Variants in ROBO1 observed in about 807,000 individuals in gnomAD.
The protein encoded by ROBO1 is roundabout guidance receptor 1.
ROBO1 carries 149 observed loss-of-function variants against 195.9 expected under a neutral mutation model. The ratio of observed to expected loss-of-function variants is 0.76; its 90% CI spans 0.67 to 0.87. ROBO1 has a LOEUF of 0.87. Ranked by LOEUF, ROBO1 falls within the 40% of genes least tolerant of loss-of-function variation. The pLI, the probability that ROBO1 is intolerant of heterozygous loss-of-function variation, is 0.00. For missense variants in ROBO1, 1,933 were observed against 2,068.3 expected (o/e 0.93, Z 1.27); for synonymous variants, 816 against 733.2 (o/e 1.11, Z -1.82).
chr3:79,184,160 G>A (rs2081394880), intron 2 of ROBO1, among the ~76,000 whole-genome samples: 1 of 152,180 alleles, frequency 6.6e-6, no homozygotes, highest in Non-Finnish European at 1.5e-5. Context: ...GCAGTGAACA[G>A]AGTAAACATA....
intron 2 of ROBO1, among the ~76,000 whole-genome samples, chr3:79,331,590 A>G (rs2034440205): frequency 6.6e-6 from 1 of 152,202 alleles, no homozygotes; most frequent in Non-Finnish European, 1.5e-5. Context: ...ACCTTCTGAT[A>G]GAAAGCATGT....
chr3:79,201,165 A>T (rs963491658), intron 2 of ROBO1, among the ~76,000 whole-genome samples: 1 of 151,952 alleles, frequency 6.6e-6, no homozygotes, highest in African/African-American at 2.4e-5. Flanking sequence ...ACCATCTAAT[A>T]GTTTTCTGTT....
chr3:79,720,252 C>A (rs1351486174), intron 1 of ROBO1, among the ~76,000 whole-genome samples: 1 of 152,062 alleles, frequency 6.6e-6, no homozygotes, highest in Non-Finnish European at 1.5e-5. Flanking sequence ...GACCAACGGA[C>A]CTCTTGGAAC....
intron 4 of ROBO1, among the ~76,000 whole-genome samples, chr3:78,884,541 A>T (rs2036385318): frequency 6.6e-6 from 1 of 151,408 alleles, no homozygotes; most frequent in Non-Finnish European, 1.5e-5. Flanking sequence ...TGCCCCTCAA[A>T]AAAGAAAGAA....
chr3:79,465,677 G>C lies in ROBO1; in HGVS notation c.88+124147C>G, dbSNP rs138350193. 2.3e-3 allele frequency among the ~76,000 whole-genome samples: 343 copies of C among 152,076 alleles called. 2 individuals carry two copies. The highest frequency in any genetic ancestry group is 7.7e-3 in the African/African-American group (321 of 41,502). On this transcript the variant is annotated intron_variant, in intron 2 of 30. Transcript: ENST00000464233. ...CTGCTTCTAAAATATTTTTAAAGTA[G>C]TTTGCCCATTGCAATGTGGAGGGTC...
At chr3:78,797,296 T>C (rs1435685586) in intron 4 of ROBO1, among the ~76,000 whole-genome samples, 3 of 152,232 alleles carry the variant, frequency 2.0e-5, no homozygotes, top group Non-Finnish European at 4.4e-5. Flanking sequence ...CTGTAAAATG[T>C]AGAACAACTA....
intron 3 of ROBO1, among the ~76,000 whole-genome samples, chr3:79,001,819 C>T (rs956196519): frequency 4.6e-5 from 7 of 151,952 alleles, no homozygotes; most frequent in Admixed American, 1.3e-4. Context: ...GAGCTCTTTA[C>T]TATTACATTT....
intron 2 of ROBO1, among the ~76,000 whole-genome samples, chr3:79,495,270 A>T (rs916064504): frequency 1.3e-5 from 2 of 152,222 alleles, no homozygotes; most frequent in Non-Finnish European, 2.9e-5. Flanking sequence ...CAGAGTAACA[A>T]TCACATAAAG....
intron 3 of ROBO1, among the ~76,000 whole-genome samples, chr3:79,011,399 C>A (rs890626550): frequency 6.6e-6 from 1 of 152,042 alleles, no homozygotes; most frequent in African/African-American, 2.4e-5. Context: ...TAACAGCAGG[C>A]AAGTTAAGTT....
chr3:79,146,038 C>A (rs1480580313), intron 2 of ROBO1, among the ~76,000 whole-genome samples: 49 of 147,862 alleles, frequency 3.3e-4, no homozygotes, highest in African/African-American at 3.5e-4. Context: ...ATAAAGAAAG[C>A]AAAAAAAAAA....
At chr3:78,832,824 G>A (rs2032350587) in intron 4 of ROBO1, among the ~76,000 whole-genome samples, 2 of 152,196 alleles carry the variant, frequency 1.3e-5, no homozygotes, top group South Asian at 4.1e-4. Flanking sequence ...AAATACAAAG[G>A]TGAGAGGAGG....
At chr3:78,886,977 T>C (rs1280612551) in intron 4 of ROBO1, among the ~76,000 whole-genome samples, 1 of 152,192 alleles carries the variant, frequency 6.6e-6, no homozygotes, top group African/African-American at 2.4e-5. Flanking sequence ...ACTGTTTAGC[T>C]ATACACCTTT....
intron 1 of ROBO1, among the ~76,000 whole-genome samples, chr3:79,601,509 C>A (rs976972879): frequency 4.0e-5 from 6 of 151,846 alleles, no homozygotes; most frequent in African/African-American, 1.4e-4. Flanking sequence ...AGTCTGTTTC[C>A]ATGCCTGCCA....
intron 3 of ROBO1, among the ~76,000 whole-genome samples, chr3:78,947,430 A>G (rs2040508390): frequency 1.3e-5 from 2 of 152,240 alleles, no homozygotes; most frequent in African/African-American, 4.8e-5. Context: ...ACTACTGGGT[A>G]AATAATGAAA....
chr3:79,255,642 C>T lies in ROBO1; in HGVS notation c.89-130103G>A, dbSNP rs576174608. ...CACTTGTGTAGTAAAAACACACTAC[C>T]GTTCTGGAAGTATAGGTAAGCACAT... On this transcript the variant is annotated intron_variant, in intron 2 of 30. Coordinates refer to ENST00000464233, the MANE Select transcript of ROBO1 (RefSeq NM_002941.4). Among the ~76,000 whole-genome samples, 304 of 152,214 alleles carry T rather than the reference C, an allele frequency of 2.0e-3. 1 individual carries two copies. Among genetic ancestry groups the T allele is most frequent in the African/African-American group, 6.0e-3 (251 of 41,536 alleles).
intron 3 of ROBO1, among the ~76,000 whole-genome samples, chr3:79,106,316 C>T (rs936009066): frequency 3.1e-4 from 47 of 151,512 alleles, no homozygotes; most frequent in African/African-American, 1.0e-3. Context: ...TATACTAGTG[C>T]GGCTCATTTT....
intron 2 of ROBO1, among the ~76,000 whole-genome samples, chr3:79,213,125 T>G (rs1357151290): frequency 6.6e-6 from 1 of 151,926 alleles, no homozygotes; most frequent in Middle Eastern, 3.2e-3. Context: ...ATACCTGTAG[T>G]CCCAGCTACA....
At chr3:79,515,585 T>A (rs758173176) in intron 2 of ROBO1, among the ~76,000 whole-genome samples, 1 of 152,212 alleles carries the variant, frequency 6.6e-6, no homozygotes. Context: ...TGATCTAACA[T>A]TATCTCAGGA....
In ROBO1 at chr3:78,617,854, G is replaced by GTGTC; in HGVS notation, c.4059_4062dup (p.Pro1355AspfsTer38). 2 of 1,614,010 alleles carry GTGTC rather than the reference G, an allele frequency of 1.2e-6. No individual in the cohort carries two copies. Among genetic ancestry groups the GTGTC allele is most frequent in the South Asian group, 2.2e-5 (2 of 91,078 alleles). On this transcript the variant is annotated frameshift_variant, in exon 27 of 31. Coordinates refer to ENST00000464233, the MANE Select transcript of ROBO1 (RefSeq NM_002941.4). LOFTEE classifies it high-confidence loss of function. The stretch of plus-strand genomic sequence containing the variant: ...TCCAGGTCCCCAACACTGGAGGCAG[G>GTGTC]TGTCTGCTCAAGCCCACGTAACAAA...
Sources: allele counts gnomAD v4.1 joint callset (sites outside exome capture counted in the v4.1 genomes callset), GRCh38; gene constraint gnomAD v4.1.1; transcripts MANE v1.5; gene names NCBI Gene and HGNC (gene_info 2026-07-23, HGNC 2026-07-21).